The following DLG2 variants were observed in gnomAD, a reference collection of about 807,000 sequenced individuals.
DLG2 encodes the protein disks large homolog 2.
In DLG2, 45 loss-of-function variants were observed where a neutral mutation model predicts 132.5. The ratio of observed to expected loss-of-function variants is 0.34; its 90% CI spans 0.27 to 0.44. The LOEUF (loss-of-function observed/expected upper bound fraction) is 0.44. Among genes scored for constraint, DLG2 ranks in the 20% least tolerant of loss-of-function variants. The pLI is 1.00. For missense variants in DLG2, 1,045 were observed against 1,196.9 expected, an observed-to-expected ratio of 0.87 and a Z score of 1.87; for synonymous variants, 424 against 419.6, an observed-to-expected ratio of 1.01 and a Z score of -0.13.
chr11:85,234,478 C>T (rs138125008), intron 4 of DLG2, among the ~76,000 whole-genome samples: 1 of 152,100 alleles, frequency 6.6e-6, no homozygotes, highest in Non-Finnish European at 1.5e-5. Context: ...GCAGGAACTG[C>T]TACGTCAAAT....
intron 8 of DLG2, among the ~76,000 whole-genome samples, chr11:84,225,400 A>G (rs1162687562): frequency 6.6e-6 from 1 of 152,214 alleles, no homozygotes; most frequent in Non-Finnish European, 1.5e-5. Flanking sequence ...AGTTTCTCCA[A>G]CTTAAAATCC....
At chr11:84,969,356 T>G (rs1176571013) in intron 6 of DLG2, among the ~76,000 whole-genome samples, 2 of 152,156 alleles carry the variant, frequency 1.3e-5, no homozygotes, top group Non-Finnish European at 2.9e-5. Flanking sequence ...TACTTACGTC[T>G]GCTTCCTACC....
intron 6 of DLG2, among the ~76,000 whole-genome samples, chr11:85,105,624 T>C: frequency 6.6e-6 from 1 of 151,922 alleles, no homozygotes; most frequent in East Asian, 1.9e-4. Flanking sequence ...CAATTTAAGG[T>C]CCTGTACGCT....
At chr11:85,445,941 A>G (rs946052614) in intron 3 of DLG2, among the ~76,000 whole-genome samples, 4 of 152,202 alleles carry the variant, frequency 2.6e-5, no homozygotes, top group Non-Finnish European at 5.9e-5. Context: ...TAATCTACAG[A>G]TGAGAAATTT....
chr11:84,177,990 TAAAAATGATTGATTA>T (rs1191377536), intron 8 of DLG2, among the ~76,000 whole-genome samples: 1 of 105,868 alleles, frequency 9.4e-6, no homozygotes, highest in Admixed American at 1.1e-4. Context: ...TATAGCAAGT[TAAAAATGATTGATTA>T]AAAAAAAAAA....
intron 7 of DLG2, among the ~76,000 whole-genome samples, chr11:84,346,083 T>A (rs1032923638): frequency 1.3e-5 from 2 of 152,256 alleles, no homozygotes; most frequent in African/African-American, 2.4e-5. Flanking sequence ...AAAACTACTA[T>A]GTGTTTACAT....
intron 18 of DLG2, among the ~76,000 whole-genome samples, chr11:83,682,789 G>A (rs1330789930): frequency 6.6e-6 from 1 of 152,120 alleles, no homozygotes; most frequent in South Asian, 2.1e-4. Context: ...CCAGAGATCA[G>A]AGAGACTAAA....
intron 7 of DLG2, among the ~76,000 whole-genome samples, chr11:84,290,130 T>A (rs1332339552): frequency 6.6e-6 from 1 of 152,174 alleles, no homozygotes; most frequent in Non-Finnish European, 1.5e-5. Flanking sequence ...ATCATGGTCT[T>A]CACTGAGCAA....
chr11:83,850,152 GTGTGTGTGT>G (rs1289282178), intron 16 of DLG2, among the ~76,000 whole-genome samples: 4 of 133,186 alleles, frequency 3.0e-5, no homozygotes, highest in African/African-American at 6.8e-5. Flanking sequence ...GTGTGTGTGT[GTGTGTGTGT>G]TTTTTTACTT....
chr11:84,854,129 C>G (rs1289513598), intron 6 of DLG2, among the ~76,000 whole-genome samples: 1 of 151,742 alleles, frequency 6.6e-6, no homozygotes, highest in African/African-American at 2.4e-5. Context: ...CTAGTTCCCA[C>G]AAGGCATTAA....
chr11:83,691,456 A>G (rs1258920913), intron 18 of DLG2, among the ~76,000 whole-genome samples: 1 of 152,208 alleles, frequency 6.6e-6, no homozygotes, highest in Non-Finnish European at 1.5e-5. Context: ...CGAGTCTCTC[A>G]AATACACACT....
At chr11:83,689,487 T>A (rs1426046540) in intron 18 of DLG2, among the ~76,000 whole-genome samples, 2 of 152,186 alleles carry the variant, frequency 1.3e-5, no homozygotes, top group East Asian at 3.8e-4. Flanking sequence ...TGCTTTATAG[T>A]TAGACAGTCC....
chr11:83,529,668 G>A (rs2095690057), intron 21 of DLG2, among the ~76,000 whole-genome samples: 1 of 151,826 alleles, frequency 6.6e-6, no homozygotes, highest in Non-Finnish European at 1.5e-5. Flanking sequence ...CTACACAGGA[G>A]ATGAAACTTG....
chr11:85,028,576 A>AG (rs2060742532), intron 6 of DLG2, among the ~76,000 whole-genome samples: 1 of 151,990 alleles, frequency 6.6e-6, no homozygotes. Context: ...GGGGGGGCTG[A>AG]GGGGGCAGAG....
rs957406450 is a variant in DLG2 at position 84,141,876 on chromosome 11, C to T, written c.624+21585G>A. Among the ~76,000 whole-genome samples, 5 of 151,950 alleles carry T rather than the reference C, an allele frequency of 3.3e-5. 1 individual carries two copies. Among genetic ancestry groups the T allele is most frequent in the Non-Finnish European group, 5.9e-5 (4 of 67,990 alleles). On this transcript the variant is annotated intron_variant, in intron 9 of 27. Transcript: ENST00000376104. Reference sequence around the variant, plus strand: ...AAACTTTAGTTTTCTAATCATAATTCAGTGATTCTAAGAAAAGAACAGTAC... The same window carrying T: ...AAACTTTAGTTTTCTAATCATAATTTAGTGATTCTAAGAAAAGAACAGTAC...
chr11:83,802,507 A>C (rs1594655427), intron 17 of DLG2, among the ~76,000 whole-genome samples: 1 of 152,278 alleles, frequency 6.6e-6, no homozygotes, highest in East Asian at 1.9e-4. Flanking sequence ...TTTTGAAATC[A>C]GTGGACTAAC....
At chr11:84,812,471 A>C (rs1435082711) in intron 6 of DLG2, among the ~76,000 whole-genome samples, 1 of 152,156 alleles carries the variant, frequency 6.6e-6, no homozygotes, top group Admixed American at 6.6e-5. Flanking sequence ...CCTCCTATGC[A>C]CAGATTGCAC....
At chr11:85,254,764 G>A (rs565366147) in intron 4 of DLG2, among the ~76,000 whole-genome samples, 12 of 152,272 alleles carry the variant, frequency 7.9e-5, no homozygotes, top group Admixed American at 7.8e-4. Context: ...ACTCTGGGAG[G>A]CTGAGGCAGG....
At chr11:84,471,975 A>C (rs2099109634) in intron 7 of DLG2, among the ~76,000 whole-genome samples, 1 of 149,760 alleles carries the variant, frequency 6.7e-6, no homozygotes, top group Non-Finnish European at 1.5e-5. Flanking sequence ...AAAAAAAAGA[A>C]AGATAAAAGA....
Sources: gnomAD v4.1 joint callset for allele counts (sites outside exome capture counted in the v4.1 genomes callset) on GRCh38, gnomAD v4.1.1 for gene constraint, MANE v1.5 for transcripts, NCBI Gene and HGNC (gene_info 2026-07-23, HGNC 2026-07-21) for gene names.